ZNF215: variants seen among roughly 807,000 people sequenced by gnomAD.
ZNF215 encodes BWSCR2-associated zinc finger protein 2.
Under a neutral mutation model 27.2 loss-of-function variants are expected in ZNF215, and 24 were observed. That is an observed-to-expected ratio of 0.88 (90% CI 0.64 to 1.24). The LOEUF (loss-of-function observed/expected upper bound fraction) is 1.24, where lower values mean the gene tolerates loss of function less well. Ranked by LOEUF, ZNF215 falls within the 50% of genes most tolerant of loss-of-function variation. The pLI is 0.00. For synonymous variants in ZNF215, 210 were observed against 204.0 expected (o/e 1.03, Z -0.25); for missense variants, 675 against 605.7 (o/e 1.11, Z -1.20).
At chr11:6,989,685 C>T (rs968235851), downstream of ZNF215, among the ~76,000 whole-genome samples, 2 of 152,296 alleles carry the variant, frequency 1.3e-5, no homozygotes, top group South Asian at 2.1e-4. Context: ...CATGGCCCTA[C>T]AAGTAGCTTC....
At chr11:6,932,720 T>G in intron 3 of ZNF215, 48 bp downstream of exon 3, 1 of 1,522,236 alleles carries the variant, frequency 6.6e-7, no homozygotes, top group Non-Finnish European at 8.8e-7. Flanking sequence ...CTTTCCCATG[T>G]AAAGAGAAAT....
intron 5 of ZNF215, among the ~76,000 whole-genome samples, chr11:6,975,483 G>A (rs1302003010): frequency 6.7e-6 from 1 of 148,280 alleles, no homozygotes; most frequent in South Asian, 2.1e-4. Flanking sequence ...TTTTTTTTTT[G>A]TTCCCATTAA....
intron 5 of ZNF215, among the ~76,000 whole-genome samples, chr11:6,963,362 A>T (rs1850556347): frequency 6.6e-6 from 1 of 152,022 alleles, no homozygotes; most frequent in East Asian, 1.9e-4. Flanking sequence ...CCTAATTGAG[A>T]TTCAAACATG....
Position 6,956,209 on chromosome 11 carries a change from A to C in ZNF215, c.1232A>C (p.Glu411Ala). 6.2e-7 allele frequency: 1 copy of C among 1,613,194 alleles called. No individual in the cohort carries two copies. The highest frequency in any genetic ancestry group is 8.5e-7 in the Non-Finnish European group (1 of 1,179,710). ...GGAGAGAAACCCTATAAATGCAGTGAATGTGGGAGATTCTTCAACCGACGT... is the reference window on the plus strand; with the variant it reads ...GGAGAGAAACCCTATAAATGCAGTGCATGTGGGAGATTCTTCAACCGACGT... ...HTGEKPYKCS[E>A]CGRFFNRRTN... The change falls in exon 7 of 7, where the codon GAA becomes GCA. Residue 411 changes from glutamate (E) to alanine (A), a missense_variant. By Grantham distance (107) the Glu-to-Ala change is moderately radical. Transcript: ENST00000278319.
Position 6,956,113 on chromosome 11 carries a change from A to G in ZNF215, c.1136A>G (p.Tyr379Cys), listed in dbSNP as rs570794497. 5.6e-6 allele frequency: 9 copies of G among 1,613,708 alleles called. No individual in the cohort carries two copies. The highest frequency in any genetic ancestry group is 2.2e-5 in the East Asian group (1 of 44,880). The change falls in exon 7 of 7, where the codon TAT (tyrosine) becomes TGT (cysteine). Residue 379 changes from tyrosine to cysteine, a missense_variant. By Grantham distance (194) the Tyr-to-Cys change is radical. Coordinates refer to ENST00000278319, the MANE Select transcript of ZNF215 (RefSeq NM_013250.4). The stretch of plus-strand genomic sequence containing the variant: ...AAAAGTCATACTACAATGAATTCCT[A>G]TGAATGTTATCAATGTGGGAAAGCC... ...HQKSHTTMNS[Y>C]ECYQCGKAFC...
intron 5 of ZNF215, among the ~76,000 whole-genome samples, chr11:6,969,365 AC>A (rs1850679246): frequency 1.3e-5 from 2 of 152,092 alleles, no homozygotes; most frequent in Non-Finnish European, 2.9e-5. Context: ...AATTAAGAAA[AC>A]TCACATTTTT....
intron 6 of ZNF215, among the ~76,000 whole-genome samples, chr11:6,953,094 C>T (rs554187704): frequency 3.7e-4 from 56 of 152,188 alleles, no homozygotes; most frequent in African/African-American, 8.4e-4. Flanking sequence ...GAGTTTCTGC[C>T]AAGAGATCCG....
downstream of ZNF215, among the ~76,000 whole-genome samples, chr11:6,991,747 G>A (rs1444558968): frequency 1.3e-5 from 2 of 152,014 alleles, no homozygotes; most frequent in Non-Finnish European, 2.9e-5. Context: ...TACTTTGCCC[G>A]ACTTTCTGTA....
downstream of ZNF215, among the ~76,000 whole-genome samples, chr11:6,993,353 A>T (rs1199397169): frequency 6.6e-6 from 1 of 152,016 alleles, no homozygotes; most frequent in Non-Finnish European, 1.5e-5. Flanking sequence ...ACTATTTCCT[A>T]CTTCATTTTA....
intron 3 of ZNF215, among the ~76,000 whole-genome samples, chr11:6,936,705 AGCGTTTTAAGAGG>A (rs1564947131): frequency 6.6e-6 from 1 of 152,032 alleles, no homozygotes; most frequent in Non-Finnish European, 1.5e-5. Flanking sequence ...CAAATCCAAT[AGCGTTTTAAGAGG>A]ACTATACAAA....
chr11:6,957,668 T>C lies in ZNF215; in HGVS notation c.*1137T>C, dbSNP rs1850420138. On this transcript the variant is annotated 3_prime_UTR_variant, in exon 7 of 7. Coordinates refer to ENST00000278319, the MANE Select transcript of ZNF215 (RefSeq NM_013250.4). ...TGTATCCATTAGTCTATGGTAAAAT[T>C]GGTTTTGTTATACATCATTTCACTT... is the stretch of plus-strand genomic sequence containing the variant. The C allele has an allele frequency of 1.2e-6, 1 of 815,740 alleles. No individual in the cohort carries two copies. Among genetic ancestry groups the C allele is most frequent in the African/African-American group, 1.9e-5 (1 of 53,672 alleles). 50.5% of individuals were successfully genotyped at this position (815,740 alleles called of 1,614,324 possible).
chr11:6,939,488 T>G (rs1351455076), intron 3 of ZNF215, among the ~76,000 whole-genome samples: 1 of 152,148 alleles, frequency 6.6e-6, no homozygotes, highest in Non-Finnish European at 1.5e-5. Context: ...TGGCATAGAC[T>G]AGTAAGAAAT....
intron 6 of ZNF215, among the ~76,000 whole-genome samples, chr11:6,944,416 G>A (rs1201299219): frequency 1.7e-5 from 2 of 120,324 alleles, no homozygotes; most frequent in Non-Finnish European, 1.8e-5. Flanking sequence ...TTTTTAAACT[G>A]TATCACTTAT....
chr11:6,941,400 C>T (rs1056519814), intron 3 of ZNF215, among the ~76,000 whole-genome samples, 171 bp from the exon 4 acceptor site: 1 of 152,224 alleles, frequency 6.6e-6, no homozygotes, highest in Non-Finnish European at 1.5e-5. Flanking sequence ...TTTAAAAATA[C>T]AAGATCTAGG....
At chr11:6,939,717 T>G (rs973177222) in intron 3 of ZNF215, among the ~76,000 whole-genome samples, 5 of 152,074 alleles carry the variant, frequency 3.3e-5, no homozygotes, top group Admixed American at 1.3e-4. Context: ...CGGTAAAACT[T>G]CAAGAAGGGG....
chr11:6,934,204 A>G (rs1362257356), intron 3 of ZNF215, among the ~76,000 whole-genome samples: 1 of 152,250 alleles, frequency 6.6e-6, no homozygotes, highest in Non-Finnish European at 1.5e-5. Context: ...AAAGATTGGT[A>G]TCTGAGTTAA....
At chr11:6,983,453 CA>C (rs1045776993) in intron 5 of ZNF215, among the ~76,000 whole-genome samples, 4 of 151,850 alleles carry the variant, frequency 2.6e-5, no homozygotes, top group African/African-American at 9.7e-5. Context: ...GAGACACAAG[CA>C]AAAAAGAGAA....
chr11:6,940,606 C>T (rs1849602274), intron 3 of ZNF215, among the ~76,000 whole-genome samples: 1 of 152,094 alleles, frequency 6.6e-6, no homozygotes. Flanking sequence ...ACCAGGCCTG[C>T]CCTGATGTGT....
intron 2 of ZNF215, among the ~76,000 whole-genome samples, chr11:6,928,079 T>C (rs952314692): frequency 6.6e-5 from 10 of 152,182 alleles, no homozygotes; most frequent in Non-Finnish European, 1.0e-4. Flanking sequence ...GTAGGTGAAA[T>C]TGTTTTTTCT....
Sources: gnomAD v4.1 joint callset for allele counts (sites outside exome capture counted in the v4.1 genomes callset) on GRCh38, gnomAD v4.1.1 for gene constraint, MANE v1.5 for transcripts, NCBI Gene and HGNC (gene_info 2026-07-23, HGNC 2026-07-21) for gene names.